PCSK1: variants seen among roughly 807,000 people sequenced by gnomAD.
PCSK1 encodes proprotein convertase subtilisin/kexin type 1.
PCSK1 carries 56 observed loss-of-function variants against 90.6 expected under a neutral mutation model. The observed-to-expected ratio is 0.62, with a 90% confidence interval of 0.50 to 0.77. The LOEUF (loss-of-function observed/expected upper bound fraction) is 0.77. Ranked by LOEUF, PCSK1 falls within the 30% of genes least tolerant of loss-of-function variation. The probability of loss-of-function intolerance (pLI) is 0.00; values close to 1 mark genes in which losing one functional copy is unlikely to be tolerated. For synonymous variants in PCSK1, 348 were observed against 342.4 expected (o/e 1.02, Z -0.18); for missense variants, 801 against 932.6 (o/e 0.86, Z 1.84).
At chr5:96,416,282 G>C (rs567509374) in intron 5 of PCSK1, among the ~76,000 whole-genome samples, 161 bp from the exon 6 acceptor site, 60 of 152,194 alleles carry the variant, frequency 3.9e-4, no homozygotes, top group Non-Finnish European at 6.9e-4. Flanking sequence ...CTTATGTTCA[G>C]ATGAAGGGCA....
chr5:96,430,494 G>A (rs148027869), intron 1 of PCSK1, among the ~76,000 whole-genome samples: 87 of 152,220 alleles, frequency 5.7e-4, no homozygotes, highest in African/African-American at 2.0e-3. Context: ...ATCAGCAGCC[G>A]CAGAAAAAGA....
chr5:96,410,907 C>A lies in PCSK1; in HGVS notation c.962G>T (p.Gly321Val). 6.2e-7 allele frequency: 1 copy of A among 1,613,492 alleles called. No individual in the cohort carries two copies. Among genetic ancestry groups the A allele is most frequent in the Non-Finnish European group, 8.5e-7 (1 of 1,179,706 alleles). Reference sequence around the variant, plus strand: ...GATGGTGTAGATGCTGTCTGTGTAGCCATCACAGTCACAATTATCTCCCTG... The same window carrying A: ...GATGGTGTAGATGCTGTCTGTGTAGACATCACAGTCACAATTATCTCCCTG... ...GRQGDNCDCD[G>V]YTDSIYTISI... Residue 321 changes from glycine (G) to valine (V), a missense_variant, in exon 8 of 14, where the codon GGC (glycine) becomes GTC (valine). Transcript: ENST00000311106.
At chr5:96,408,151 G>T (rs1760633723) in intron 9 of PCSK1, 72 bp downstream of exon 9, 2 of 1,103,214 alleles carry the variant, frequency 1.8e-6, no homozygotes, top group Non-Finnish European at 1.4e-6. Context: ...CATGTATTCA[G>T]AAAAAAAAGT....
intron 4 of PCSK1, among the ~76,000 whole-genome samples, chr5:96,422,589 C>T (rs1275457474): frequency 1.3e-5 from 2 of 152,144 alleles, no homozygotes; most frequent in Non-Finnish European, 2.9e-5. Flanking sequence ...TCAATCATTC[C>T]TAATTTCTAC....
chr5:96,428,487 G>A (rs1561378282), intron 2 of PCSK1, among the ~76,000 whole-genome samples: 1 of 152,140 alleles, frequency 6.6e-6, no homozygotes, highest in Non-Finnish European at 1.5e-5. Context: ...TGTTGACCTT[G>A]AAAATAGACT....
Position 96,423,477 on chromosome 5 carries a change from C to G in PCSK1, c.397-18G>C, listed in dbSNP as rs756992585. The G allele has an allele frequency of 6.2e-7, 1 of 1,612,984 alleles. No individual in the cohort carries two copies. The highest frequency in any genetic ancestry group is 1.7e-5 in the Admixed American group (1 of 60,010). On this transcript the variant is annotated intron_variant, in intron 3 of 13. Coordinates refer to ENST00000311106, the MANE Select transcript of PCSK1 (RefSeq NM_000439.5). ...GTATCTTGCTGGTAAAGAAAAACAACGAAGCATTGATAAAATTATCATTTG... is the reference window on the plus strand; with the variant it reads ...GTATCTTGCTGGTAAAGAAAAACAAGGAAGCATTGATAAAATTATCATTTG...
chr5:96,428,400 T>C (rs1051625742), intron 2 of PCSK1, among the ~76,000 whole-genome samples: 2 of 152,186 alleles, frequency 1.3e-5, no homozygotes, highest in South Asian at 4.1e-4. Flanking sequence ...TCTTCCAGTA[T>C]GGCATTTCTT....
intron 3 of PCSK1, among the ~76,000 whole-genome samples, chr5:96,425,052 GAAAGAAAGA>G (rs1761258917): frequency 8.4e-6 from 1 of 119,144 alleles, no homozygotes; most frequent in African/African-American, 3.1e-5. Context: ...AAGAAAGAAA[GAAAGAAAGA>G]AAGAAAGAAA....
At chr5:96,403,190 A>T (rs1760443173) in intron 9 of PCSK1, among the ~76,000 whole-genome samples, 1 of 152,204 alleles carries the variant, frequency 6.6e-6, no homozygotes, top group African/African-American at 2.4e-5. Flanking sequence ...ATTTTGTTTT[A>T]AAAATTTCCT....
At chr5:96,421,990 C>T in intron 4 of PCSK1, 34 bp from the exon 5 acceptor site, 2 of 484,542 alleles carry the variant, frequency 4.1e-6, no homozygotes, top group Non-Finnish European at 6.9e-6. Flanking sequence ...ACTGTGGCAG[C>T]ATTAAAAAAA....
At position 96,399,985 on chromosome 5, in the gene PCSK1, C is replaced by T. The variant is rs1760296384; in HGVS notation, c.1398G>A (p.Glu466=). The T allele has an allele frequency of 1.9e-6, 3 of 1,614,158 alleles. No homozygotes were observed. The highest frequency in any genetic ancestry group is 2.5e-6 in the Non-Finnish European group (3 of 1,179,968). Reference sequence around the variant, plus strand: ...CAAAGTCATTGTCCTTTACAACACACTCTTTCTTCTCAGGCACGCTCCTCC... The same window carrying T: ...CAAAGTCATTGTCCTTTACAACACATTCTTTCTTCTCAGGCACGCTCCTCC... The part of the protein sequence containing the change: ...RTWRSVPEKK[E]CVVKDNDFEP... Residue 466 remains glutamate, a synonymous_variant, in exon 10 of 14, where the codon GAG becomes GAA. Coordinates refer to ENST00000311106, the MANE Select transcript of PCSK1 (RefSeq NM_000439.5).
At chr5:96,398,811 C>T in intron 11 of PCSK1, 68 bp downstream of exon 11, 1 of 1,214,360 alleles carries the variant, frequency 8.2e-7, no homozygotes, top group East Asian at 2.3e-5. Flanking sequence ...TAAACAAAAG[C>T]AATCAGTTAT....
At chr5:96,394,784 G>A in intron 13 of PCSK1, 80 bp downstream of exon 13, 1 of 1,304,610 alleles carries the variant, frequency 7.7e-7, no homozygotes, top group Non-Finnish European at 1.1e-6. Context: ...TTTCCTGCTT[G>A]GAAGTTGGGT....
At chr5:96,398,681 C>T (rs993752765) in intron 11 of PCSK1, among the ~76,000 whole-genome samples, 198 bp downstream of exon 11, 4 of 152,128 alleles carry the variant, frequency 2.6e-5, no homozygotes, top group South Asian at 2.1e-4. Flanking sequence ...TCATTCTCTG[C>T]TTATCAAAGG....
Position 96,433,116 on chromosome 5 carries a change from G to T in PCSK1, c.-74C>A. 7.2e-7 allele frequency: 1 copy of T among 1,396,368 alleles called. No homozygotes were observed. The highest frequency in any genetic ancestry group is 1.0e-6 in the Non-Finnish European group (1 of 984,144). 86.5% of individuals were successfully genotyped at this position (1,396,368 alleles called of 1,614,324 possible). A position where few individuals can be genotyped will look rare whatever the true frequency, so the allele number is the denominator to read the frequency against. ...AGCAAGATAGGAGAAAAGCCAGACA[G>T]ACTCCCCCTTCCCACCCTCGGGCTC... On this transcript the variant is annotated 5_prime_UTR_variant, in exon 1 of 14. The change creates a new upstream start codon in the 5' untranslated region. Coordinates refer to ENST00000311106, the MANE Select transcript of PCSK1 (RefSeq NM_000439.5).
intron 6 of PCSK1, 72 bp downstream of exon 6, chr5:96,415,961 T>TC (rs1760925632): frequency 4.3e-6 from 4 of 935,636 alleles, no homozygotes; most frequent in Non-Finnish European, 7.1e-6. Context: ...AAAGCTCCCC[T>TC]CCCCCATTTA....
At position 96,416,022 on chromosome 5, in the gene PCSK1, C is replaced by T. The variant is rs199951150; in HGVS notation, c.709+11G>A. ...AAAATGCCAAGCTATAGGGACAATC[C>T]TCTGTTTTACCTCCAACTTTGGAAT... On this transcript the variant is annotated intron_variant, in intron 6 of 13. Coordinates refer to ENST00000311106, the MANE Select transcript of PCSK1 (RefSeq NM_000439.5). 305 of 1,556,420 alleles carry T rather than the reference C, an allele frequency of 2.0e-4. No homozygotes were observed. The highest frequency in any genetic ancestry group is 2.2e-4 in the Non-Finnish European group (244 of 1,127,382).
chr5:96,401,225 A>C (rs949732187), intron 9 of PCSK1, among the ~76,000 whole-genome samples: 1 of 152,212 alleles, frequency 6.6e-6, no homozygotes, highest in Non-Finnish European at 1.5e-5. Context: ...TTTCCATGGA[A>C]TAGAAAGATC....
intron 12 of PCSK1, among the ~76,000 whole-genome samples, chr5:96,396,243 A>C (rs2112391879): frequency 6.6e-6 from 1 of 152,314 alleles, no homozygotes; most frequent in African/African-American, 2.4e-5. Flanking sequence ...GACATCTCCA[A>C]GAACTTTAAA....
Sources: gnomAD v4.1 joint callset for allele counts (sites outside exome capture counted in the v4.1 genomes callset) on GRCh38, gnomAD v4.1.1 for gene constraint, MANE v1.5 for transcripts, NCBI Gene and HGNC (gene_info 2026-07-23, HGNC 2026-07-21) for gene names.